CELF1: variants seen among roughly 807,000 people sequenced by gnomAD.
The protein encoded by CELF1 is 50 kDa nuclear polyadenylated RNA-binding protein.
In CELF1, 10 loss-of-function variants were observed where a neutral mutation model predicts 61.8. The observed-to-expected ratio is 0.16, with a 90% CI of 0.10 to 0.27. The LOEUF is 0.27. Among genes scored for constraint, CELF1 ranks in the 10% least tolerant of loss-of-function variants. The pLI is 1.00. For synonymous variants in CELF1, 236 were observed against 225.1 expected (o/e 1.05, Z -0.43); for missense variants, 380 against 639.1 (o/e 0.59, Z 4.37).
In CELF1 at chr11:47,466,125, T is replaced by C. The variant is rs549342993; in HGVS notation, c.*6105A>G. 3 of 151,678 alleles carry C rather than the reference T, an allele frequency of 2.0e-5. No individual in the cohort carries two copies. Among genetic ancestry groups the C allele is most frequent in the South Asian group, 2.1e-4 (1 of 4,812 alleles). 9.4% of individuals were successfully genotyped at this position (151,678 alleles called of 1,614,324 possible). A position where few individuals can be genotyped will look rare whatever the true frequency, so the allele number is the denominator to read the frequency against. ...CACATACTCCCTTGCTCCAAACTTATAACAATTTTTTTTTCTTTTTAAATT... is the reference window on the plus strand; with the variant it reads ...CACATACTCCCTTGCTCCAAACTTACAACAATTTTTTTTTCTTTTTAAATT... On this transcript the variant is annotated 3_prime_UTR_variant, in exon 15 of 15. Coordinates refer to ENST00000687097, the MANE Select transcript of CELF1 (RefSeq NM_001376376.1).
chr11:47,500,960 C>T (rs1231369193), intron 1 of CELF1, 28 bp from the exon 2 acceptor site: 21 of 397,692 alleles, frequency 5.3e-5, no homozygotes. Context: ...GAATGAACTA[C>T]TAAACACACA....
intron 1 of CELF1, among the ~76,000 whole-genome samples, chr11:47,543,599 G>A (rs1277588368): frequency 1.3e-5 from 2 of 152,074 alleles, no homozygotes; most frequent in Admixed American, 6.6e-5. Flanking sequence ...TTTTACAAAG[G>A]TCTCATCAAG....
At chr11:47,538,605 T>C (rs1046116376) in intron 1 of CELF1, among the ~76,000 whole-genome samples, 1 of 141,608 alleles carries the variant, frequency 7.1e-6, no homozygotes, top group African/African-American at 2.6e-5. Context: ...ATCGCGCCAC[T>C]GCACTCCAGC....
At chr11:47,477,224 C>T in intron 11 of CELF1, 73 bp downstream of exon 11, 1 of 1,551,784 alleles carries the variant, frequency 6.4e-7, no homozygotes, top group Non-Finnish European at 8.8e-7. Context: ...TTTTCCCTCT[C>T]TGGACTCTGC....
intron 3 of CELF1, among the ~76,000 whole-genome samples, chr11:47,495,108 GA>G (rs2092817502): frequency 6.6e-6 from 1 of 152,222 alleles, no homozygotes; most frequent in African/African-American, 2.4e-5. Context: ...CTACTTTACA[GA>G]ATCTGGAACT....
chr11:47,500,265 T>C (rs569163743), intron 2 of CELF1, among the ~76,000 whole-genome samples: 2 of 152,256 alleles, frequency 1.3e-5, no homozygotes, highest in South Asian at 2.1e-4. Context: ...CTTGATGTGC[T>C]ATCTAATGGT....
intron 3 of CELF1, among the ~76,000 whole-genome samples, chr11:47,490,356 A>G (rs1181599665): frequency 6.6e-6 from 1 of 152,020 alleles, no homozygotes; most frequent in Non-Finnish European, 1.5e-5. Flanking sequence ...TTCTGTTAGT[A>G]TCTGCTTAAT....
intron 2 of CELF1, among the ~76,000 whole-genome samples, chr11:47,559,304 A>C (rs2097218715): frequency 6.7e-6 from 1 of 150,162 alleles, no homozygotes; most frequent in Admixed American, 6.7e-5. Flanking sequence ...AGATCTTGTG[A>C]TCTGCCCGCC....
At position 47,506,550 on chromosome 11, in the gene CELF1, G is replaced by A. The variant is rs1597299338; in HGVS notation, c.-153-5618C>T. Among the ~76,000 whole-genome samples, 12 of 152,360 alleles carry A rather than the reference G, an allele frequency of 7.9e-5. No individual in the cohort carries two copies. The South Asian group carries it at 2.5e-3, about 32-fold the overall frequency. ...CTGCGGGTTGGACAAGTCTGGTGTA[G>A]AGTATTCCTCCCGGCTCCCTCCAAC... On this transcript the variant is annotated intron_variant, in intron 1 of 14. Coordinates refer to ENST00000687097, the MANE Select transcript of CELF1 (RefSeq NM_001376376.1).
chr11:47,495,916 A>T, intron 3 of CELF1: 1 of 915,054 alleles, frequency 1.1e-6, no homozygotes, highest in Non-Finnish European at 1.3e-6. Context: ...CTTTAATTAT[A>T]CAAAAAGAAA....
At chr11:47,502,782 A>T (rs1330894424) in intron 1 of CELF1, among the ~76,000 whole-genome samples, 1 of 152,150 alleles carries the variant, frequency 6.6e-6, no homozygotes, top group African/African-American at 2.4e-5. Flanking sequence ...CAGTGAGCTG[A>T]GATTGCGCCA....
chr11:47,558,524 TATG>T (rs1383245582), intron 2 of CELF1, among the ~76,000 whole-genome samples: 2 of 122,800 alleles, frequency 1.6e-5, no homozygotes, highest in African/African-American at 6.6e-5. Context: ...AATATATGTA[TATG>T]TATATATTTA....
intron 3 of CELF1, among the ~76,000 whole-genome samples, chr11:47,493,307 C>A (rs1346228860): frequency 6.7e-6 from 1 of 149,218 alleles, no homozygotes; most frequent in Non-Finnish European, 1.5e-5. Flanking sequence ...TTGAGACCAG[C>A]CTGAACAACA....
intron 1 of CELF1, among the ~76,000 whole-genome samples, chr11:47,510,997 C>T (rs559501651): frequency 6.6e-6 from 1 of 151,546 alleles, no homozygotes; most frequent in Non-Finnish European, 1.5e-5. Context: ...GCCTGGGCAA[C>T]ATCATGAAAC....
At position 47,466,435 on chromosome 11, in the gene CELF1, A is replaced by G. The variant is rs977158845; in HGVS notation, c.*5795T>C. ...AGTGGCAATTTTTTTTTCTCTTCAC[A>G]TTGTGAAATCACTTTACATTGTTTT... On this transcript the variant is annotated 3_prime_UTR_variant, in exon 15 of 15. Transcript: ENST00000687097. 6.6e-6 allele frequency: 1 copy of G among 152,174 alleles called. No homozygotes were observed. Among genetic ancestry groups the G allele is most frequent in the Admixed American group, 6.5e-5 (1 of 15,274 alleles). The allele number at this position is 152,174 out of a possible 1,614,324, so 9.4% of individuals were successfully genotyped here. A position where few individuals can be genotyped will look rare whatever the true frequency, so the allele number is the denominator to read the frequency against.
chr11:47,512,093 A>G (rs2153607375), intron 1 of CELF1, among the ~76,000 whole-genome samples: 1 of 151,946 alleles, frequency 6.6e-6, no homozygotes, highest in East Asian at 1.9e-4. Flanking sequence ...TAGGCAATCC[A>G]CCCTCCTTGG....
At chr11:47,490,617 G>A (rs1223863828) in intron 3 of CELF1, among the ~76,000 whole-genome samples, 1 of 151,596 alleles carries the variant, frequency 6.6e-6, no homozygotes, top group East Asian at 1.9e-4. Context: ...GTAGAGATGG[G>A]GTTTCACCAT....
intron 1 of CELF1, among the ~76,000 whole-genome samples, chr11:47,534,614 G>A (rs2096583077): frequency 6.6e-6 from 1 of 152,012 alleles, no homozygotes; most frequent in Non-Finnish European, 1.5e-5. Flanking sequence ...TGTAGTCCCA[G>A]CTACTCGGGA....
intron 2 of CELF1, among the ~76,000 whole-genome samples, chr11:47,562,362 C>T (rs981771227): frequency 4.0e-5 from 6 of 151,342 alleles, no homozygotes; most frequent in Admixed American, 2.6e-4. Flanking sequence ...CCTGTCTCTA[C>T]CAAAAATACA....
Sources: allele counts gnomAD v4.1 joint callset (sites outside exome capture counted in the v4.1 genomes callset), GRCh38; gene constraint gnomAD v4.1.1; transcripts MANE v1.5; gene names NCBI Gene and HGNC (gene_info 2026-07-23, HGNC 2026-07-21).